LAMB4: variants seen among roughly 807,000 people sequenced by gnomAD.
The protein encoded by LAMB4 is laminin subunit beta 4.
In LAMB4, 196 loss-of-function variants were observed where a neutral mutation model predicts 199.2. The observed-to-expected ratio is 0.98, with a 90% CI of 0.88 to 1.11. LAMB4 has a LOEUF of 1.11. LAMB4 is among the 50% of genes least tolerant of loss of function. LAMB4 has a pLI of 0.00. For missense variants in LAMB4, 2,080 were observed against 2,171.2 expected, an observed-to-expected ratio of 0.96 and a Z score of 0.83; for synonymous variants, 744 against 770.6, an observed-to-expected ratio of 0.97 and a Z score of 0.57.
At chr7:108,073,180 A>T (rs2036591399) in intron 17 of LAMB4, among the ~76,000 whole-genome samples, 1 of 152,154 alleles carries the variant, frequency 6.6e-6, no homozygotes, top group Non-Finnish European at 1.5e-5. Context: ...TAATTTTTGT[A>T]CTTTTAGTAG....
intron 3 of LAMB4, 81 bp downstream of exon 3, chr7:108,115,923 T>G (rs2038388526): frequency 1.4e-6 from 2 of 1,435,008 alleles, no homozygotes; most frequent in Admixed American, 1.9e-5. Flanking sequence ...CTTTAATGTC[T>G]GAGTAGCCCC....
At chr7:108,063,586 G>T (rs145299340) in intron 22 of LAMB4, among the ~76,000 whole-genome samples, 175 bp downstream of exon 22, 56 of 152,306 alleles carry the variant, frequency 3.7e-4, no homozygotes, top group African/African-American at 1.3e-3. Context: ...AATACCAGTG[G>T]TTGCAATGCA....
intron 1 of LAMB4, among the ~76,000 whole-genome samples, chr7:108,129,740 G>A (rs2038915573): frequency 1.3e-5 from 2 of 152,002 alleles, no homozygotes; most frequent in African/African-American, 4.8e-5. Context: ...TGTTGCTCAG[G>A]CTGGTCTTGA....
chr7:108,115,855 G>A (rs1269786969), intron 3 of LAMB4, 149 bp downstream of exon 3: 15 of 820,128 alleles, frequency 1.8e-5, no homozygotes, highest in Admixed American at 2.7e-5. Flanking sequence ...CCAACGCCCC[G>A]TGGATACTGA....
chr7:108,093,961 A>T (rs2037504096), intron 12 of LAMB4, among the ~76,000 whole-genome samples: 1 of 152,238 alleles, frequency 6.6e-6, no homozygotes, highest in South Asian at 2.1e-4. Flanking sequence ...ACTGCTTCCC[A>T]CAGGATGTGG....
intron 25 of LAMB4, among the ~76,000 whole-genome samples, 185 bp downstream of exon 25, chr7:108,055,447 A>G (rs1225246987): frequency 6.6e-6 from 1 of 152,146 alleles, no homozygotes; most frequent in Non-Finnish European, 1.5e-5. Flanking sequence ...TCAACCTCCC[A>G]AAGTGCTGGG....
chr7:108,095,098 A>T, intron 12 of LAMB4, 130 bp downstream of exon 12: 1 of 656,790 alleles, frequency 1.5e-6, no homozygotes, highest in East Asian at 2.7e-5. Flanking sequence ...TGTAGTGTAA[A>T]TACTCATACC....
At chr7:108,101,842 G>A (rs919786937) in intron 10 of LAMB4, among the ~76,000 whole-genome samples, 3 of 152,166 alleles carry the variant, frequency 2.0e-5, no homozygotes, top group Admixed American at 2.0e-4. Flanking sequence ...GCTCACTCTA[G>A]TCCCAGTCCT....
chr7:108,116,833 G>A (rs1330332299), intron 2 of LAMB4, among the ~76,000 whole-genome samples: 2 of 152,130 alleles, frequency 1.3e-5, no homozygotes, highest in Non-Finnish European at 2.9e-5. Flanking sequence ...AGGAGCTCAA[G>A]ACCAGCTTCT....
chr7:108,062,820 G>T lies in LAMB4; in HGVS notation c.3236C>A (p.Ser1079Ter). ...WNLVPGRGCQ[S>*]CDCDPRTSQS... is the part of the protein sequence containing the mutation. ...AGAGGTCCTAGGGTCACAGTCACAT[G>T]ACTGACATCCTCTGCCAGGGACCAG... Residue 1079 changes from serine (S) to a stop codon, truncating the protein, a stop_gained, in exon 23 of 34, where the codon TCA becomes TAA. Transcript: ENST00000388781. LOFTEE classifies it high-confidence loss of function. 2 of 1,542,892 alleles carry T rather than the reference G, an allele frequency of 1.3e-6. No homozygotes were observed. The highest frequency in any genetic ancestry group is 2.5e-5 in the South Asian group (2 of 79,138).
At chr7:108,022,954 A>G (rs939178901), downstream of LAMB4, among the ~76,000 whole-genome samples, 1 of 151,936 alleles carries the variant, frequency 6.6e-6, no homozygotes, top group African/African-American at 2.4e-5. Flanking sequence ...TGGGATTACA[A>G]GCGTGCACCA....
At chr7:108,014,576 T>C in the LAMB4 span, among the ~76,000 whole-genome samples, 1 of 152,152 alleles carries the variant, frequency 6.6e-6, no homozygotes, top group Non-Finnish European at 1.5e-5. Context: ...AAGGAGAAAA[T>C]TTAGTATAGA....
At chr7:108,038,938 G>T (rs1286575002) in intron 29 of LAMB4, among the ~76,000 whole-genome samples, 1 of 152,160 alleles carries the variant, frequency 6.6e-6, no homozygotes, top group Non-Finnish European at 1.5e-5. Flanking sequence ...GATCACACAG[G>T]AACAGAAGTG....
At chr7:108,125,292 C>T (rs375634914) in intron 1 of LAMB4, among the ~76,000 whole-genome samples, 43 of 152,206 alleles carry the variant, frequency 2.8e-4, no homozygotes, top group African/African-American at 1.0e-3. Context: ...AGCTTGGCTT[C>T]TGTTCAGCCG....
chr7:108,091,789 C>T lies in LAMB4; in HGVS notation c.1551-13G>A. The T allele has an allele frequency of 6.2e-7, 1 of 1,612,120 alleles. No individual in the cohort carries two copies. Among genetic ancestry groups the T allele is most frequent in the Non-Finnish European group, 8.5e-7 (1 of 1,179,340 alleles). On this transcript the variant is annotated splice_polypyrimidine_tract_variant and intron_variant, in intron 13 of 33. Coordinates refer to ENST00000388781, the MANE Select transcript of LAMB4 (RefSeq NM_007356.3). ...CTTGGGTGAGCACCTGAGGAAAAAG[C>T]AATTCATCATGAAAAAATGCAAAGT...
At position 108,066,009 on chromosome 7, in the gene LAMB4, C is replaced by T. The variant is rs551308029; in HGVS notation, c.2679-90G>A. ...GTTTGCTATGCTTTAAAACAGTGCA[C>T]CTCTGAAAACTGAATATTTTAGAAG... On this transcript the variant is annotated intron_variant, in intron 20 of 33. Transcript: ENST00000388781. 48 of 1,230,788 alleles carry T rather than the reference C, an allele frequency of 3.9e-5. No individual in the cohort carries two copies. The South Asian group carries it at 6.0e-4, about 15-fold the overall frequency. 76.2% of individuals were successfully genotyped at this position (1,230,788 alleles called of 1,614,324 possible). A position where few individuals can be genotyped will look rare whatever the true frequency, so the allele number is the denominator to read the frequency against.
At chr7:108,085,135 A>G (rs2037120008) in intron 14 of LAMB4, among the ~76,000 whole-genome samples, 1 of 152,196 alleles carries the variant, frequency 6.6e-6, no homozygotes, top group Non-Finnish European at 1.5e-5. Flanking sequence ...GACAACGCAC[A>G]GTTTCATTTC....
intron 3 of LAMB4, among the ~76,000 whole-genome samples, chr7:108,114,317 T>C (rs1462411973): frequency 1.3e-5 from 2 of 151,938 alleles, no homozygotes. Context: ...GTAGGTGGAG[T>C]AGCCTCCCCT....
intron 17 of LAMB4, among the ~76,000 whole-genome samples, chr7:108,070,746 G>C (rs1299051401): frequency 6.6e-6 from 1 of 152,138 alleles, no homozygotes; most frequent in African/African-American, 2.4e-5. Flanking sequence ...TAGTAGTTAA[G>C]TTTTTGGGGA....
Sources: allele counts gnomAD v4.1 joint callset (sites outside exome capture counted in the v4.1 genomes callset), GRCh38; gene constraint gnomAD v4.1.1; transcripts MANE v1.5; gene names NCBI Gene and HGNC (gene_info 2026-07-23, HGNC 2026-07-21).